Variants in ARFGEF3 observed in about 807,000 individuals in gnomAD.
The protein encoded by ARFGEF3 is brefeldin A-inhibited guanine nucleotide-exchange protein 3.
In ARFGEF3, 96 loss-of-function variants were observed where a neutral mutation model predicts 221.7. The ratio of observed to expected loss-of-function variants is 0.43; its 90% CI spans 0.37 to 0.51. The LOEUF (loss-of-function observed/expected upper bound fraction) is 0.51, where lower values mean the gene tolerates loss of function less well. Among genes scored for constraint, ARFGEF3 ranks in the 20% least tolerant of loss-of-function variants. The probability of loss-of-function intolerance (pLI) is 0.00; values close to 1 mark genes in which losing one functional copy is unlikely to be tolerated. For synonymous variants in ARFGEF3, 1,145 were observed against 1,126.8 expected (o/e 1.02, Z -0.32); for missense variants, 2,410 against 2,789.9 (o/e 0.86, Z 3.07).
rs772870477 is a variant in ARFGEF3, at chr6:138,255,601, G to T, written c.936G>T (p.Pro312=). The change falls in exon 10 of 34, where the codon CCG becomes CCT. Residue 312 remains proline (P), a synonymous_variant. Coordinates refer to ENST00000251691, the MANE Select transcript of ARFGEF3 (RefSeq NM_020340.5). Reference sequence around the variant, plus strand: ...GATCAGGCTGCTCCTGCACTGCGCCGGCCCTGAGCGGACCTGTGGCTCGGA... The same window carrying T: ...GATCAGGCTGCTCCTGCACTGCGCCTGCCCTGAGCGGACCTGTGGCTCGGA... ...GRGSGCSCTA[P]ALSGPVARTI... 5.0e-6 allele frequency: 8 copies of T among 1,613,928 alleles called. No homozygotes were observed. Among genetic ancestry groups the T allele is most frequent in the Non-Finnish European group, 6.8e-6 (8 of 1,179,882 alleles).
chr6:138,335,964 T>G (rs1780313412), intron 33 of ARFGEF3, among the ~76,000 whole-genome samples: 1 of 152,090 alleles, frequency 6.6e-6, no homozygotes, highest in South Asian at 2.1e-4. Flanking sequence ...GAGTTTGAGA[T>G]TAACGGCCTG....
chr6:138,287,024 T>C (rs1489162341), intron 16 of ARFGEF3, 50 bp from the exon 17 acceptor site: 1 of 1,558,176 alleles, frequency 6.4e-7, no homozygotes. Context: ...GCTAGGTGAA[T>C]GGTTAGAGGA....
intron 30 of ARFGEF3, 30 bp from the exon 31 acceptor site, chr6:138,323,993 A>C: frequency 6.2e-7 from 1 of 1,607,946 alleles, no homozygotes. Context: ...ACCAGGATGC[A>C]TTCAGTGAGC....
rs1334675699 is a variant in ARFGEF3, at chr6:138,262,692, A to G, written c.1218-9A>G. On this transcript the variant is annotated splice_polypyrimidine_tract_variant and intron_variant, in intron 11 of 33. Coordinates refer to ENST00000251691, the MANE Select transcript of ARFGEF3 (RefSeq NM_020340.5). ...ATTTATTCCATTTTCTCTTTTGAACACTGTTTAGCATCATGGATGGCATGA... is the reference window on the plus strand; with the variant it reads ...ATTTATTCCATTTTCTCTTTTGAACGCTGTTTAGCATCATGGATGGCATGA... The G allele has an allele frequency of 1.3e-6, 2 of 1,580,320 alleles. No individual in the cohort carries two copies. The highest frequency in any genetic ancestry group is 1.8e-5 in the Admixed American group (1 of 56,562).
At position 138,342,079 on chromosome 6, in the gene ARFGEF3, T is replaced by C. The variant is rs1030970731; in HGVS notation, c.*5593T>C. On this transcript the variant is annotated 3_prime_UTR_variant, in exon 34 of 34. Coordinates refer to ENST00000251691, the MANE Select transcript of ARFGEF3 (RefSeq NM_020340.5). The stretch of plus-strand genomic sequence containing the variant: ...ACCAACAACTGTTCGTACTGTTAAT[T>C]CCTATCCTGAAGGTTTAACCAGTGG... 1 of 152,188 alleles carries C rather than the reference T, an allele frequency of 6.6e-6. No homozygotes were observed. The highest frequency in any genetic ancestry group is 1.5e-5 in the Non-Finnish European group (1 of 68,052). 9.4% of individuals were successfully genotyped at this position (152,188 alleles called of 1,614,324 possible).
intron 7 of ARFGEF3, among the ~76,000 whole-genome samples, chr6:138,244,748 T>C (rs1368716066): frequency 6.6e-6 from 1 of 152,200 alleles, no homozygotes; most frequent in Non-Finnish European, 1.5e-5. Context: ...GATTTCTTAG[T>C]TCCAAAGCCC....
rs1386822440 is a variant in ARFGEF3 at position 138,170,723 on chromosome 6, G to A, written c.137+10G>A. 2 of 1,516,472 alleles carry A rather than the reference G, an allele frequency of 1.3e-6. No individual in the cohort carries two copies. Among genetic ancestry groups the A allele is most frequent in the Non-Finnish European group, 1.8e-6 (2 of 1,091,808 alleles). The allele number at this position is 1,516,472 out of a possible 1,614,324, so 93.9% of individuals were successfully genotyped here. A position where few individuals can be genotyped will look rare whatever the true frequency, so the allele number is the denominator to read the frequency against. On this transcript the variant is annotated intron_variant, in intron 2 of 33. Transcript: ENST00000251691. ...CTCCACATGTACTGAGGTAGGAGATGGACATTGTATAATATCACAGAAGTC... is the reference window on the plus strand; with the variant it reads ...CTCCACATGTACTGAGGTAGGAGATAGACATTGTATAATATCACAGAAGTC...
In ARFGEF3 at chr6:138,307,390, C is replaced by T. The variant is rs1779745957; in HGVS notation, c.3966C>T (p.Tyr1322=). Residue 1322 remains tyrosine, a synonymous_variant, in exon 23 of 34, where the codon TAC becomes TAT. Transcript: ENST00000251691. ...TGAAGGAGTACCTGGTTGGTGACTA[C>T]TCCATGGGTAAGAATGTTTGGATGA... The part of the protein sequence containing the change: ...SEMKEYLVGD[Y]SMGKGQAPVF... The T allele has an allele frequency of 1.2e-6, 2 of 1,613,326 alleles. No homozygotes were observed. The highest frequency in any genetic ancestry group is 1.7e-6 in the Non-Finnish European group (2 of 1,179,554).
At chr6:138,328,511 G>A (rs1268503769) in intron 32 of ARFGEF3, among the ~76,000 whole-genome samples, 1 of 152,092 alleles carries the variant, frequency 6.6e-6, no homozygotes, top group Non-Finnish European at 1.5e-5. Flanking sequence ...ACAGGTCTAT[G>A]TCTCAATTTC....
At position 138,304,119 on chromosome 6, in the gene ARFGEF3, T is replaced by C. The variant is rs116149816; in HGVS notation, c.3829-3134T>C. The stretch of plus-strand genomic sequence containing the variant: ...CTCAGATTCCAACAGCTAATGAATA[T>C]ATACATTAAATTAGGTTATGTCCAC... On this transcript the variant is annotated intron_variant, in intron 22 of 33. Transcript: ENST00000251691. Among the ~76,000 whole-genome samples the C allele has an allele frequency of 4.1e-3, 629 of 152,270 alleles. 6 individuals are homozygous for C. Among genetic ancestry groups the C allele is most frequent in the African/African-American group, 0.015 (603 of 41,530 alleles).
At chr6:138,333,414 G>T (rs888569377) in intron 32 of ARFGEF3, among the ~76,000 whole-genome samples, 18 of 151,780 alleles carry the variant, frequency 1.2e-4, no homozygotes, top group Non-Finnish European at 2.6e-4. Flanking sequence ...TATTAATTTG[G>T]CATAATAACT....
At chr6:138,215,955 G>T (rs963133386) in intron 4 of ARFGEF3, 1 of 145,354 alleles carries the variant, frequency 6.9e-6, no homozygotes, top group African/African-American at 2.6e-5. Context: ...TTGGTTTTTT[G>T]GTTTTTTGGT....
At chr6:138,203,306 A>G (rs1435260203) in intron 2 of ARFGEF3, among the ~76,000 whole-genome samples, 1 of 152,252 alleles carries the variant, frequency 6.6e-6, no homozygotes, top group Non-Finnish European at 1.5e-5. Flanking sequence ...TCTCCAACAC[A>G]TTTTAACTGT....
intron 12 of ARFGEF3, among the ~76,000 whole-genome samples, chr6:138,274,795 C>CA (rs11427921): frequency 0.48 from 53,798 of 111,270 alleles, 13,745 homozygotes; most frequent in African/African-American, 0.73. Flanking sequence ...AACTCCGTCT[C>CA]AAAAAAAAAA....
intron 18 of ARFGEF3, among the ~76,000 whole-genome samples, chr6:138,290,765 C>G (rs1228475068): frequency 6.6e-6 from 1 of 152,208 alleles, no homozygotes; most frequent in Non-Finnish European, 1.5e-5. Context: ...GCAGAGCAGG[C>G]ATGGGGCAAG....
intron 10 of ARFGEF3, among the ~76,000 whole-genome samples, chr6:138,259,675 G>A (rs2114584769): frequency 6.6e-6 from 1 of 152,300 alleles, no homozygotes; most frequent in African/African-American, 2.4e-5. Flanking sequence ...ATCTTGGGAG[G>A]CCAAGTTGGG....
chr6:138,290,884 A>G (rs1779390666), intron 18 of ARFGEF3, among the ~76,000 whole-genome samples: 1 of 152,222 alleles, frequency 6.6e-6, no homozygotes, highest in South Asian at 2.1e-4. Flanking sequence ...AAATGGTTCT[A>G]TTATGAAGGC....
chr6:138,335,544 CA>C (rs113813772), intron 33 of ARFGEF3, among the ~76,000 whole-genome samples: 556 of 126,880 alleles, frequency 4.4e-3, no homozygotes, highest in African/African-American at 6.7e-3. Context: ...ATCATCTCTA[CA>C]AAAAAAAAAA....
chr6:138,323,923 C>G, intron 30 of ARFGEF3, 100 bp from the exon 31 acceptor site: 1 of 1,559,786 alleles, frequency 6.4e-7, no homozygotes, highest in Non-Finnish European at 8.7e-7. Context: ...GTTGCTGGGT[C>G]AGTACTTTTG....
Sources: gnomAD v4.1 joint callset for allele counts (sites outside exome capture counted in the v4.1 genomes callset) on GRCh38, gnomAD v4.1.1 for gene constraint, MANE v1.5 for transcripts, NCBI Gene and HGNC (gene_info 2026-07-23, HGNC 2026-07-21) for gene names.